Variants in SPATA20 observed in about 807,000 individuals in gnomAD.
SPATA20 encodes the protein spermatogenesis-associated protein 20.
In SPATA20, 74 loss-of-function variants were observed where a neutral mutation model predicts 98.9. The observed-to-expected ratio is 0.75, with a 90% CI of 0.62 to 0.91. The LOEUF is 0.91. Among genes scored for constraint, SPATA20 ranks in the 40% least tolerant of loss-of-function variants. The pLI, the probability that SPATA20 is intolerant of heterozygous loss-of-function variation, is 0.00. For missense variants in SPATA20, 1,016 were observed against 1,069.8 expected (o/e 0.95, Z 0.70); for synonymous variants, 430 against 440.5 (o/e 0.98, Z 0.30).
Position 50,547,267 on chromosome 17 carries a change from G to T in SPATA20, c.59G>T (p.Gly20Val). 7.2e-7 allele frequency: 1 copy of T among 1,385,530 alleles called. No individual in the cohort carries two copies. The highest frequency in any genetic ancestry group is 9.3e-7 in the Non-Finnish European group (1 of 1,078,340). The allele number at this position is 1,385,530 out of a possible 1,614,324, so 85.8% of individuals were successfully genotyped here. A position where few individuals can be genotyped will look rare whatever the true frequency, so the allele number is the denominator to read the frequency against. The stretch of plus-strand genomic sequence containing the variant: ...CTTCTGCTGCCCCGCGCCGGTGCAG[G>T]CCTCGCCGCGAGCCGCAGGTACGGG... ...RVLLLPRAGAGLAASRRCPGV... is the reference protein window; with the variant it reads ...RVLLLPRAGAVLAASRRCPGV... Residue 20 changes from glycine to valine, a missense_variant, in exon 1 of 17, where the codon GGC (glycine) becomes GTC (valine). By Grantham distance (109) the Gly-to-Val change is moderately radical (BLOSUM62 -3). Coordinates refer to ENST00000006658, the MANE Select transcript of SPATA20 (RefSeq NM_022827.4).
rs2034985556 is a variant in SPATA20, at chr17:50,550,039, G to C, written c.917G>C (p.Gly306Ala). Reference protein sequence around the residue: ...YWLSHRLTQDGSRAQQMALHT... With the variant: ...YWLSHRLTQDASRAQQMALHT... Reference sequence around the variant, plus strand: ...CTCAGCCATCGACTGACTCAGGATGGCTCTCGGGCCCAGCAGATGGCCTTG... The same window carrying C: ...CTCAGCCATCGACTGACTCAGGATGCCTCTCGGGCCCAGCAGATGGCCTTG... Residue 306 changes from glycine (G) to alanine (A), a missense_variant, in exon 8 of 17, where the codon GGC becomes GCC. Transcript: ENST00000006658. 3.8e-6 allele frequency: 6 copies of C among 1,597,918 alleles called. No homozygotes were observed. Among genetic ancestry groups the C allele is most frequent in the East Asian group, 2.2e-5 (1 of 44,560 alleles).
At chr17:50,547,946 GGGGGAGGGGCCT>G (rs200637741) in intron 2 of SPATA20, 179 bp downstream of exon 2, 154,340 of 1,505,572 alleles carry the variant, frequency 0.1, 8,985 homozygotes, top group Non-Finnish European at 0.12. Context: ...AGGAAGGGCC[GGGGGAGGGGCCT>G]GGGGAGGGGT....
At chr17:50,550,183 G>A (rs375111043) in intron 8 of SPATA20, 25 bp from the exon 9 acceptor site, 133 of 1,611,910 alleles carry the variant, frequency 8.3e-5, no homozygotes, top group Admixed American at 2.7e-4. Flanking sequence ...AGCTGGGACT[G>A]GCCTCCAGCT....
At chr17:50,549,258 C>T (rs748398756) in intron 6 of SPATA20, 28 bp from the exon 7 acceptor site, 2 of 1,604,532 alleles carry the variant, frequency 1.2e-6, no homozygotes, top group East Asian at 2.2e-5. Context: ...CCCTAGCTGA[C>T]CTCCAGGTGT....
intron 14 of SPATA20, 135 bp downstream of exon 14, chr17:50,552,315 A>T: frequency 1.4e-6 from 1 of 694,942 alleles, no homozygotes. Context: ...TGGCTGCTGT[A>T]ATATTTCTGT....
rs748924940 is a variant in SPATA20 at position 50,555,739 on chromosome 17, A to G, written c.*77A>G. The G allele has an allele frequency of 3.3e-5, 45 of 1,380,038 alleles. No individual in the cohort carries two copies. The highest frequency in any genetic ancestry group is 3.9e-5 in the Non-Finnish European group (40 of 1,014,532). 85.5% of individuals were successfully genotyped at this position (1,380,038 alleles called of 1,614,324 possible). A position where few individuals can be genotyped will look rare whatever the true frequency, so the allele number is the denominator to read the frequency against. ...AGAGACTCAGGCCCTGCAGGGCCCT[A>G]TAGAACCTGTGGCCATCCCTGAGCA... On this transcript the variant is annotated 3_prime_UTR_variant, in exon 17 of 17. Transcript: ENST00000006658.
rs1057321380 is a variant in SPATA20, at chr17:50,547,731, T to A, written c.89T>A (p.Val30Asp). The change falls in exon 2 of 17, where the codon GTC becomes GAC. Residue 30 changes from valine to aspartate, a missense_variant. Transcript: ENST00000006658. ...CTCTGATTCCCTAGGTGTCCTGGAG[T>A]CTGGCCCAGGACCTGGCCCCACAGG... Reference protein sequence around the residue: ...GLAASRRCPGVWPRTWPHRSP... With the variant: ...GLAASRRCPGDWPRTWPHRSP... The A allele has an allele frequency of 1.3e-6, 1 of 781,234 alleles. No individual in the cohort carries two copies. Among genetic ancestry groups the A allele is most frequent in the Non-Finnish European group, 2.4e-6 (1 of 418,654 alleles). The allele number at this position is 781,234 out of a possible 1,614,324, so 48.4% of individuals were successfully genotyped here.
Position 50,550,250 on chromosome 17 carries a change from C to T in SPATA20, c.1036C>T (p.His346Tyr). 1 of 1,610,958 alleles carries T rather than the reference C, an allele frequency of 6.2e-7. No homozygotes were observed. The highest frequency in any genetic ancestry group is 8.5e-7 in the Non-Finnish European group (1 of 1,178,074). The change falls in exon 9 of 17, where the codon CAC becomes TAC. Residue 346 changes from histidine to tyrosine, a missense_variant. By Grantham distance (83) the His-to-Tyr change is moderately conservative (BLOSUM62 2). Coordinates refer to ENST00000006658, the MANE Select transcript of SPATA20 (RefSeq NM_022827.4). Reference sequence around the variant, plus strand: ...CACAGACCGCCAGTGGCACGTCCCTCACTTTGAGAAGATGCTCTATGACCA... The same window carrying T: ...CACAGACCGCCAGTGGCACGTCCCTTACTTTGAGAAGATGCTCTATGACCA... ...YSTDRQWHVPHFEKMLYDQAQ... is the reference protein window; with the variant it reads ...YSTDRQWHVPYFEKMLYDQAQ...
In SPATA20 at chr17:50,550,732, G is replaced by A. The variant is rs1420753453; in HGVS notation, c.1198G>A (p.Asp400Asn). The change falls in exon 11 of 17, where the codon GAT becomes AAT. Residue 400 changes from aspartate (D) to asparagine (N), a missense_variant. Asp to Asn is a conservative substitution (Grantham distance 23, BLOSUM62 1). Transcript: ENST00000006658. ...HRSGGFYSAE[D>N]ADSPPERGQR... ...GTCCGGAGGCTTCTATAGCGCAGAA[G>A]ATGCAGACTCGCCCCCAGAGCGGGG... 6.2e-7 allele frequency: 1 copy of A among 1,613,260 alleles called. No homozygotes were observed. Among genetic ancestry groups the A allele is most frequent in the Non-Finnish European group, 8.5e-7 (1 of 1,179,938 alleles).
At chr17:50,552,236 G>T in intron 14 of SPATA20, 56 bp downstream of exon 14, 2 of 1,496,376 alleles carry the variant, frequency 1.3e-6, no homozygotes, top group Non-Finnish European at 1.8e-6. Flanking sequence ...TGCAGCGTGG[G>T]TGAAGAGCTG....
chr17:50,550,447 C>T lies in SPATA20; in HGVS notation c.1099-89C>T, dbSNP rs187716579. The T allele has an allele frequency of 9.8e-6, 14 of 1,432,662 alleles. No individual in the cohort carries two copies. In the Admixed American group the frequency reaches 1.2e-4, roughly 12 times the overall value. The allele number at this position is 1,432,662 out of a possible 1,614,324, so 88.7% of individuals were successfully genotyped here. A position where few individuals can be genotyped will look rare whatever the true frequency, so the allele number is the denominator to read the frequency against. On this transcript the variant is annotated intron_variant, in intron 9 of 16. Coordinates refer to ENST00000006658, the MANE Select transcript of SPATA20 (RefSeq NM_022827.4). The stretch of plus-strand genomic sequence containing the variant: ...TGTACCCACTACCCAGGCTTCCCTC[C>T]CCCGCCTGCCTCAGAGAATGTTGCC...
At chr17:50,549,807 C>T (rs1010960012) in intron 7 of SPATA20, among the ~76,000 whole-genome samples, 178 bp from the exon 8 acceptor site, 5 of 152,202 alleles carry the variant, frequency 3.3e-5, no homozygotes, top group African/African-American at 7.2e-5. Context: ...GATATTCTGA[C>T]CTCTGGCTTA....
In SPATA20 at chr17:50,551,531, G is replaced by C; in HGVS notation, c.1597G>C (p.Ala533Pro). The C allele has an allele frequency of 6.3e-7, 1 of 1,597,712 alleles. No homozygotes were observed. The highest frequency in any genetic ancestry group is 8.6e-7 in the Non-Finnish European group (1 of 1,166,334). The change falls in exon 13 of 17, where the codon GCT (alanine) becomes CCT (proline). Residue 533 changes from alanine to proline, a missense_variant. Physicochemically the swap from Ala to Pro is conservative, Grantham distance 27. Transcript: ENST00000006658. ...TCCAGGCTTGATGGTGTCAGGCTAT[G>C]CTGTGACTGGGGCTGTCCTGGGCCA... ...AWNGLMVSGY[A>P]VTGAVLGQDR...
rs1241681012 is a variant in SPATA20, at chr17:50,551,996, G to A, written c.1773G>A (p.Glu591=). Residue 591 remains glutamate, a synonymous_variant, in exon 14 of 17, where the codon GAG becomes GAA. Coordinates refer to ENST00000006658, the MANE Select transcript of SPATA20 (RefSeq NM_022827.4). ...HSNPPCWGFL[E]DYAFVVRGLL... is the part of the protein sequence containing the mutation. ...ACCCACCCTGCTGGGGCTTCCTGGA[G>A]GACTACGCCTTCGTGGTGCGGGGCC... 3 of 1,609,938 alleles carry A rather than the reference G, an allele frequency of 1.9e-6. No homozygotes were observed. The highest frequency in any genetic ancestry group is 2.7e-5 in the African/African-American group (2 of 74,898).
In SPATA20 at chr17:50,555,501, C is replaced by G. The variant is rs781648036; in HGVS notation, c.2248C>G (p.Leu750Val). The change falls in exon 17 of 17, where the codon CTG (leucine) becomes GTG (valine). Residue 750 changes from leucine (L) to valine (V), a missense_variant. By Grantham distance (32) the Leu-to-Val change is conservative (BLOSUM62 1). Transcript: ENST00000006658. ...TCTGCTGCTGCCCTAGGTGCTGATTCTGGCTGATGGGGACCCCTCGAGCTT... is the reference window on the plus strand; with the variant it reads ...TCTGCTGCTGCCCTAGGTGCTGATTGTGGCTGATGGGGACCCCTCGAGCTT... ...SVYIPNKVLI[L>V]ADGDPSSFLS... is the part of the protein sequence containing the mutation. 3 of 1,614,004 alleles carry G rather than the reference C, an allele frequency of 1.9e-6. No homozygotes were observed. The highest frequency in any genetic ancestry group is 2.5e-6 in the Non-Finnish European group (3 of 1,179,970).
chr17:50,549,806 A>C (rs956693301), intron 7 of SPATA20, among the ~76,000 whole-genome samples, 179 bp from the exon 8 acceptor site: 3 of 152,002 alleles, frequency 2.0e-5, no homozygotes, highest in African/African-American at 7.3e-5. Flanking sequence ...TGATATTCTG[A>C]CCTCTGGCTT....
At position 50,555,633 on chromosome 17, in the gene SPATA20, T is replaced by C. The variant is rs1303462706; in HGVS notation, c.2380T>C (p.Cys794Arg). Reference sequence around the variant, plus strand: ...CTGCTCAGTGCCCATCACTGATCCCTGCGAATTACGAAAACTACTACATCC... The same window carrying C: ...CTGCTCAGTGCCCATCACTGATCCCCGCGAATTACGAAAACTACTACATCC... ...QACSVPITDP[C>R]ELRKLLHP The change falls in exon 17 of 17, where the codon TGC (cysteine) becomes CGC (arginine). Residue 794 changes from cysteine (C) to arginine (R), a missense_variant. Physicochemically the swap from Cys to Arg is radical, Grantham distance 180 (BLOSUM62 -3). Transcript: ENST00000006658. 6.2e-7 allele frequency: 1 copy of C among 1,613,996 alleles called. No homozygotes were observed. Among genetic ancestry groups the C allele is most frequent in the South Asian group, 1.1e-5 (1 of 91,070 alleles).
chr17:50,554,314 G>T lies in SPATA20; in HGVS notation c.2021G>T (p.Gly674Val). Residue 674 changes from glycine to valine, a missense_variant, in exon 15 of 17, where the codon GGC (glycine) becomes GTC (valine). Gly to Val is a moderately radical substitution (Grantham distance 109). Transcript: ENST00000006658. ...VSAHNLLRLH[G>V]FTGHKDWMDK... is the part of the protein sequence containing the mutation. ...GCCCACAACCTGCTCCGGCTGCATG[G>T]CTTCACGGGCCACAAGGACTGGATG... 1 of 1,614,200 alleles carries T rather than the reference G, an allele frequency of 6.2e-7. No individual in the cohort carries two copies.
intron 15 of SPATA20, among the ~76,000 whole-genome samples, chr17:50,554,654 GT>G (rs1204414974): frequency 6.6e-6 from 1 of 152,192 alleles, no homozygotes; most frequent in East Asian, 1.9e-4. Context: ...GTACGTCTTG[GT>G]GTCAGTGTAA....
Sources: gnomAD v4.1 joint callset for allele counts (sites outside exome capture counted in the v4.1 genomes callset) on GRCh38, gnomAD v4.1.1 for gene constraint, MANE v1.5 for transcripts, NCBI Gene and HGNC (gene_info 2026-07-23, HGNC 2026-07-21) for gene names.